SORCS1: variants seen among roughly 807,000 people sequenced by gnomAD.
The protein encoded by SORCS1 is sortilin related VPS10 domain containing receptor 1.
In SORCS1, 60 loss-of-function variants were observed where a neutral mutation model predicts 146.1. That is an observed-to-expected ratio of 0.41 (90% CI 0.33 to 0.51). The LOEUF (loss-of-function observed/expected upper bound fraction) is 0.51. Ranked by LOEUF, SORCS1 falls within the 20% of genes least tolerant of loss-of-function variation. SORCS1 has a pLI of 0.21. For synonymous variants in SORCS1, 637 were observed against 584.0 expected (o/e 1.09, Z -1.31); for missense variants, 1,352 against 1,487.6 (o/e 0.91, Z 1.50).
the SORCS1 span, among the ~76,000 whole-genome samples, chr10:107,178,955 T>C: frequency 1.3e-5 from 2 of 152,184 alleles, no homozygotes; most frequent in Admixed American, 6.5e-5. Context: ...GATATACTGA[T>C]TTCCTTTCCT....
At chr10:106,689,997 C>T (rs968744029) in intron 9 of SORCS1, among the ~76,000 whole-genome samples, 2 of 152,182 alleles carry the variant, frequency 1.3e-5, no homozygotes, top group African/African-American at 4.8e-5. Flanking sequence ...ATACTTTGAA[C>T]TATCATACTC....
chr10:106,798,475 C>G (rs1194950151), intron 3 of SORCS1, among the ~76,000 whole-genome samples: 1 of 143,110 alleles, frequency 7.0e-6, no homozygotes, highest in African/African-American at 2.6e-5. Flanking sequence ...GTGTGATGTT[C>G]CCCTTCCTGT....
intron 3 of SORCS1, among the ~76,000 whole-genome samples, chr10:106,810,909 T>C (rs1279830798): frequency 6.6e-6 from 1 of 151,716 alleles, no homozygotes; most frequent in Non-Finnish European, 1.5e-5. Flanking sequence ...AGTTTTTATG[T>C]CAAAGGGACA....
chr10:106,855,386 T>C (rs990013039), intron 2 of SORCS1, among the ~76,000 whole-genome samples: 1 of 152,200 alleles, frequency 6.6e-6, no homozygotes, highest in Admixed American at 6.5e-5. Context: ...TTTTTGACAT[T>C]TATCCTGCTT....
chr10:106,708,262 G>A (rs1452335587), intron 7 of SORCS1, among the ~76,000 whole-genome samples: 7 of 152,130 alleles, frequency 4.6e-5, no homozygotes, highest in Admixed American at 4.6e-4. Flanking sequence ...GTGTGTGTGT[G>A]TGTGTGTATG....
intron 17 of SORCS1, among the ~76,000 whole-genome samples, chr10:106,655,736 C>T (rs1411441774): frequency 2.0e-5 from 3 of 152,050 alleles, no homozygotes; most frequent in Non-Finnish European, 4.4e-5. Context: ...TCACATTAGC[C>T]CTACCAGACC....
chr10:106,716,205 C>T (rs1349065681), intron 6 of SORCS1, among the ~76,000 whole-genome samples: 1 of 152,136 alleles, frequency 6.6e-6, no homozygotes, highest in Non-Finnish European at 1.5e-5. Context: ...ATAAGTAGGG[C>T]TACAAGGAGA....
intron 8 of SORCS1, among the ~76,000 whole-genome samples, chr10:106,700,440 CA>C (rs1258490159): frequency 2.1e-5 from 1 of 48,614 alleles, no homozygotes; most frequent in Non-Finnish European, 1.2e-4. Flanking sequence ...GCTAAGTAAC[CA>C]AAACAAACAA....
At chr10:106,995,301 G>A (rs542917040) in intron 1 of SORCS1, among the ~76,000 whole-genome samples, 10 of 141,656 alleles carry the variant, frequency 7.1e-5, no homozygotes, top group East Asian at 6.0e-4. Context: ...GAGACAGAGC[G>A]AGACTCCATC....
rs752902006 is a variant in SORCS1 at position 106,652,473 on chromosome 10, T to C, written c.2384A>G (p.Lys795Arg). 4 of 1,614,086 alleles carry C rather than the reference T, an allele frequency of 2.5e-6. No homozygotes were observed. The highest frequency in any genetic ancestry group is 2.2e-5 in the South Asian group (2 of 91,084). Residue 795 changes from lysine to arginine, a missense_variant, in exon 18 of 26, where the codon AAA becomes AGA. Lys to Arg is a conservative substitution (Grantham distance 26). Transcript: ENST00000263054. ...GACTATCCGCAGCCCCCGCGGGGCT[T>C]TCCCTGGGCACTTCTGCGGTTTGGC... ...YTAKPQKCPG[K>R]APRGLRIVTA...
At position 106,969,689 on chromosome 10, in the gene SORCS1, G is replaced by A. The variant is rs113958750; in HGVS notation, c.559-13109C>T. On this transcript the variant is annotated intron_variant, in intron 1 of 25. Transcript: ENST00000263054. ...AATAGTGCCTTAGAGATAGACATACGTTTGTTCTGAGATATGTTCAGGTGG... is the reference window on the plus strand; with the variant it reads ...AATAGTGCCTTAGAGATAGACATACATTTGTTCTGAGATATGTTCAGGTGG... 8.3e-3 allele frequency among the ~76,000 whole-genome samples: 1,268 copies of A among 152,302 alleles called. 8 individuals are homozygous for A. The highest frequency in any genetic ancestry group is 0.014 in the Non-Finnish European group (979 of 68,026).
At chr10:107,007,492 T>C (rs1397673275) in intron 1 of SORCS1, among the ~76,000 whole-genome samples, 1 of 152,204 alleles carries the variant, frequency 6.6e-6, no homozygotes, top group Non-Finnish European at 1.5e-5. Flanking sequence ...TTACCAGTCA[T>C]GTGGGTAAGC....
At chr10:106,686,633 G>A (rs1852865843) in intron 10 of SORCS1, among the ~76,000 whole-genome samples, 1 of 152,162 alleles carries the variant, frequency 6.6e-6, no homozygotes, top group South Asian at 2.1e-4. Context: ...TCTGTCACTG[G>A]CATTGTGCAC....
chr10:107,100,146 A>C (rs1341625388), intron 1 of SORCS1, among the ~76,000 whole-genome samples: 1 of 152,156 alleles, frequency 6.6e-6, no homozygotes, highest in Non-Finnish European at 1.5e-5. Flanking sequence ...CCAGCATTTA[A>C]ATGTTTTTAC....
chr10:107,027,091 C>T lies in SORCS1; in HGVS notation c.559-70511G>A, dbSNP rs544701535. ...TATATATCAGATATACATATATATA[C>T]ATATATATATGTATATATAAAATGG... On this transcript the variant is annotated intron_variant, in intron 1 of 25. Transcript: ENST00000263054. 3.4e-5 allele frequency among the ~76,000 whole-genome samples: 5 copies of T among 145,302 alleles called. No individual in the cohort carries two copies. In the South Asian group the frequency reaches 1.1e-3, roughly 31 times the overall value.
At chr10:106,801,170 A>G (rs1221369859) in intron 3 of SORCS1, among the ~76,000 whole-genome samples, 1 of 152,202 alleles carries the variant, frequency 6.6e-6, no homozygotes, top group Non-Finnish European at 1.5e-5. Flanking sequence ...TTAAATATTT[A>G]TATGAACACC....
intron 5 of SORCS1, among the ~76,000 whole-genome samples, chr10:106,751,135 T>G (rs1858197994): frequency 7.0e-6 from 1 of 143,352 alleles, no homozygotes; most frequent in Non-Finnish European, 1.5e-5. Context: ...AGCATTCATG[T>G]GGAGATCATT....
intron 22 of SORCS1, 116 bp downstream of exon 22, chr10:106,611,795 G>T: frequency 1.3e-6 from 1 of 743,932 alleles, no homozygotes; most frequent in Non-Finnish European, 2.2e-6. Flanking sequence ...ATGGGCTCTA[G>T]CTTCTTCCTG....
chr10:107,160,246 T>C (rs1465561714), intron 1 of SORCS1, among the ~76,000 whole-genome samples: 1 of 152,216 alleles, frequency 6.6e-6, no homozygotes, highest in African/African-American at 2.4e-5. Flanking sequence ...CGTCCTACTT[T>C]AAAGTCCATT....
Sources: allele counts gnomAD v4.1 joint callset (sites outside exome capture counted in the v4.1 genomes callset), GRCh38; gene constraint gnomAD v4.1.1; transcripts MANE v1.5; gene names NCBI Gene and HGNC (gene_info 2026-07-23, HGNC 2026-07-21).